The following ERC2 variants were observed in gnomAD, a reference collection of about 807,000 sequenced individuals.
ERC2 encodes the protein ELKS/RAB6-interacting/CAST family member 2, also known as ERC protein 2.
In ERC2, 42 loss-of-function variants were observed where a neutral mutation model predicts 114.8. The ratio of observed to expected loss-of-function variants is 0.37; its 90% CI spans 0.29 to 0.47. ERC2 has a LOEUF of 0.47. ERC2 is among the 20% of genes least tolerant of loss of function. The pLI, the probability that ERC2 is intolerant of heterozygous loss-of-function variation, is 0.99. For missense variants in ERC2, 939 were observed against 1,150.7 expected (o/e 0.82, Z 2.66); for synonymous variants, 454 against 425.5 (o/e 1.07, Z -0.82).
intron 17 of ERC2, among the ~76,000 whole-genome samples, chr3:55,601,725 G>C (rs2058415338): frequency 6.6e-6 from 1 of 152,198 alleles, no homozygotes; most frequent in South Asian, 2.1e-4. Flanking sequence ...ACTTTGGGAG[G>C]CTGAGGCAAG....
chr3:55,987,531 C>T (rs889998010), intron 11 of ERC2, among the ~76,000 whole-genome samples: 9 of 152,148 alleles, frequency 5.9e-5, no homozygotes, highest in Non-Finnish European at 8.8e-5. Context: ...GAAAATTACT[C>T]GGCAAGAAAC....
At chr3:55,687,467 A>G (rs761434778) in intron 16 of ERC2, among the ~76,000 whole-genome samples, 2 of 151,694 alleles carry the variant, frequency 1.3e-5, no homozygotes, top group African/African-American at 2.4e-5. Flanking sequence ...CCTAATGGGG[A>G]TCTTACTGTC....
chr3:56,246,304 G>A (rs988101017), intron 3 of ERC2, among the ~76,000 whole-genome samples: 1 of 152,050 alleles, frequency 6.6e-6, no homozygotes, highest in Non-Finnish European at 1.5e-5. Flanking sequence ...ATTGTAGGAT[G>A]TTTAGCAGCA....
chr3:56,187,310 G>A (rs2083687327), intron 3 of ERC2, among the ~76,000 whole-genome samples: 1 of 152,172 alleles, frequency 6.6e-6, no homozygotes, highest in Non-Finnish European at 1.5e-5. Flanking sequence ...GAGGATGGGT[G>A]CATCTGCCCA....
chr3:55,638,226 C>A (rs1257435088), intron 17 of ERC2, among the ~76,000 whole-genome samples: 1 of 152,210 alleles, frequency 6.6e-6, no homozygotes, highest in Non-Finnish European at 1.5e-5. Context: ...CCATTGTCAA[C>A]ACACATCCCA....
At position 55,952,178 on chromosome 3, in the gene ERC2, C is replaced by CTATATATAT. The variant is rs1302030120; in HGVS notation, c.2268-1619_2268-1618insATATATATA. 8.6e-4 allele frequency among the ~76,000 whole-genome samples: 36 copies of CTATATATAT among 41,758 alleles called. 1 individual carries two copies. Among genetic ancestry groups the CTATATATAT allele is most frequent in the African/African-American group, 2.0e-3 (29 of 14,710 alleles). The allele number at this position is 41,758 out of a possible 152,430, so 27.4% of individuals were successfully genotyped here. A position where few individuals can be genotyped will look rare whatever the true frequency, so the allele number is the denominator to read the frequency against. ...ACACACACACACACACACACACACA[C>CTATATATAT]ACTCTCTCTCTCTCTCTCTCTATAT... On this transcript the variant is annotated intron_variant, in intron 12 of 17. Coordinates refer to ENST00000288221, the MANE Select transcript of ERC2 (RefSeq NM_015576.3).
chr3:55,914,053 G>T (rs771294018), intron 13 of ERC2, among the ~76,000 whole-genome samples: 9 of 151,790 alleles, frequency 5.9e-5, no homozygotes, highest in Middle Eastern at 6.8e-3. Flanking sequence ...CAGCCCAGCT[G>T]AACCAGGAGT....
chr3:55,986,759 C>T (rs1257645871), intron 11 of ERC2, among the ~76,000 whole-genome samples: 1 of 150,742 alleles, frequency 6.6e-6, no homozygotes, highest in African/African-American at 2.4e-5. Flanking sequence ...CTAGCATGTC[C>T]GTCTCATTGG....
At chr3:55,552,683 T>C (rs2107431610) in intron 17 of ERC2, among the ~76,000 whole-genome samples, 1 of 151,482 alleles carries the variant, frequency 6.6e-6, no homozygotes, top group East Asian at 1.9e-4. Context: ...GAAAATGCCC[T>C]GTTAGCATTT....
intron 14 of ERC2, among the ~76,000 whole-genome samples, chr3:55,750,923 T>A (rs573508019): frequency 6.6e-6 from 1 of 152,294 alleles, no homozygotes; most frequent in South Asian, 2.1e-4. Flanking sequence ...CTTTCTAATG[T>A]TTGGAATTAA....
intron 2 of ERC2, among the ~76,000 whole-genome samples, chr3:56,367,976 G>C (rs1325437629): frequency 6.8e-6 from 1 of 146,512 alleles, no homozygotes; most frequent in African/African-American, 2.5e-5. Context: ...AGTGTAAAAG[G>C]TAGGACAAAT....
At chr3:55,779,428 G>T (rs2068864233) in intron 14 of ERC2, among the ~76,000 whole-genome samples, 1 of 151,766 alleles carries the variant, frequency 6.6e-6, no homozygotes, top group Admixed American at 6.6e-5. Flanking sequence ...TTAAATCCAG[G>T]AGGTGGAGGT....
At chr3:56,181,741 A>G (rs1172378513) in intron 3 of ERC2, among the ~76,000 whole-genome samples, 1 of 152,212 alleles carries the variant, frequency 6.6e-6, no homozygotes, top group African/African-American at 2.4e-5. Flanking sequence ...GCCTAGGTTT[A>G]AAAGAAATTA....
chr3:55,676,344 A>G (rs1260108304), intron 17 of ERC2, among the ~76,000 whole-genome samples: 8 of 151,998 alleles, frequency 5.3e-5, no homozygotes, highest in African/African-American at 1.2e-4. Context: ...GGCACCTGCT[A>G]ACACTGACAG....
chr3:56,368,413 A>G (rs2059236369), intron 2 of ERC2, among the ~76,000 whole-genome samples: 1 of 152,170 alleles, frequency 6.6e-6, no homozygotes, highest in South Asian at 2.1e-4. Flanking sequence ...TTTAAAATAG[A>G]CTTGACCATA....
intron 14 of ERC2, among the ~76,000 whole-genome samples, chr3:55,854,694 G>C (rs1266615545): frequency 6.6e-6 from 1 of 152,206 alleles, no homozygotes; most frequent in Non-Finnish European, 1.5e-5. Flanking sequence ...AAGACAGTCT[G>C]GCACGGAGCA....
chr3:56,435,203 A>G (rs1213618482), intron 1 of ERC2, 56 bp from the exon 2 acceptor site: 1 of 533,828 alleles, frequency 1.9e-6, no homozygotes, highest in Non-Finnish European at 3.3e-6. Context: ...CTCTAACTGC[A>G]TTGTATTTTT....
At chr3:56,316,637 C>G (rs918843503) in intron 2 of ERC2, among the ~76,000 whole-genome samples, 13 of 152,182 alleles carry the variant, frequency 8.5e-5, no homozygotes, top group Admixed American at 7.2e-4. Flanking sequence ...CACATATATA[C>G]AGTAAATAAC....
chr3:55,766,569 C>T (rs190864832), intron 14 of ERC2: 21 of 152,102 alleles, frequency 1.4e-4, no homozygotes, highest in African/African-American at 4.8e-4. Flanking sequence ...AGAAACCAGA[C>T]CGGAGCTCAC....
Sources: gnomAD v4.1 joint callset for allele counts (sites outside exome capture counted in the v4.1 genomes callset) on GRCh38, gnomAD v4.1.1 for gene constraint, MANE v1.5 for transcripts, NCBI Gene and HGNC (gene_info 2026-07-23, HGNC 2026-07-21) for gene names.